Variants in OGG1 observed in about 807,000 individuals in gnomAD.
OGG1 encodes N-glycosylase/DNA lyase.
In OGG1, 35 loss-of-function variants were observed where a neutral mutation model predicts 42.3. That is an observed-to-expected ratio of 0.83 (90% CI 0.63 to 1.10). The LOEUF (loss-of-function observed/expected upper bound fraction) is 1.10. Among genes scored for constraint, OGG1 ranks in the 50% least tolerant of loss-of-function variants. The pLI, the probability that OGG1 is intolerant of heterozygous loss-of-function variation, is 0.00. For synonymous variants in OGG1, 189 were observed against 179.0 expected, an observed-to-expected ratio of 1.06 and a Z score of -0.44; for missense variants, 484 against 446.7, an observed-to-expected ratio of 1.08 and a Z score of -0.75.
chr3:9,788,583 A>G (rs1203215827), downstream of OGG1, among the ~76,000 whole-genome samples: 1 of 150,636 alleles, frequency 6.6e-6, no homozygotes, highest in East Asian at 2.0e-4. Flanking sequence ...TCTGTCACCC[A>G]GGCTGGAATA....
At chr3:9,753,656 CAA>C (rs34371840) in intron 3 of OGG1, among the ~76,000 whole-genome samples, 4 of 145,164 alleles carry the variant, frequency 2.8e-5, no homozygotes, top group African/African-American at 2.5e-5. Flanking sequence ...TCTGTCTCAA[CAA>C]AAAAAAAAAG....
At chr3:9,774,246 T>C (rs1268359879) in intron 2 of OGG1, among the ~76,000 whole-genome samples, 2 of 151,860 alleles carry the variant, frequency 1.3e-5, no homozygotes, top group Non-Finnish European at 2.9e-5. Context: ...CCATCTCTAC[T>C]AAAAATACAA....
intron 7 of OGG1, chr3:9,763,023 A>G (rs2077961368): frequency 3.1e-6 from 5 of 1,613,990 alleles, no homozygotes; most frequent in Middle Eastern, 3.3e-4. Flanking sequence ...TTTTTCCACA[A>G]TACGGTCAAA....
chr3:9,790,693 C>T (rs189763079), downstream of OGG1, among the ~76,000 whole-genome samples: 8 of 152,310 alleles, frequency 5.3e-5, no homozygotes, highest in Admixed American at 3.9e-4. Context: ...TGGCATTGGG[C>T]TGAGTTTTTG....
chr3:9,790,081 T>C, downstream of OGG1: 1 of 1,268,336 alleles, frequency 7.9e-7, no homozygotes, highest in Non-Finnish European at 1.1e-6. Flanking sequence ...TTCCCCATCC[T>C]CTTTTTACCT....
chr3:9,751,252 T>C, intron 2 of OGG1, 60 bp downstream of exon 2: 4 of 1,576,336 alleles, frequency 2.5e-6, no homozygotes, highest in East Asian at 2.3e-5. Context: ...TCTCTATGAC[T>C]CAGTTTTGCC....
intron 3 of OGG1, among the ~76,000 whole-genome samples, chr3:9,782,726 G>A (rs554296276): frequency 1.6e-4 from 24 of 151,624 alleles, no homozygotes; most frequent in Non-Finnish European, 2.9e-4. Context: ...GGGAGGCGGA[G>A]GTTGCAGTGA....
chr3:9,757,166 C>T lies in OGG1; in HGVS notation c.*16C>T. On this transcript the variant is annotated 3_prime_UTR_variant, in exon 7 of 7. Transcript: ENST00000344629. This position sits in a 1 kb window ranked among gnomAD's most constrained non-coding sequence, Gnocchi z 4.5. ...GGAAGGCTAGATGGGGCACCCTGGA[C>T]AAAGAAATTCCCCAAGCACCTTCCC... 1.2e-6 allele frequency: 2 copies of T among 1,614,022 alleles called. No individual in the cohort carries two copies. Among genetic ancestry groups the T allele is most frequent in the South Asian group, 2.2e-5 (2 of 91,078 alleles).
chr3:9,774,302 G>A (rs560687829), intron 2 of OGG1, among the ~76,000 whole-genome samples: 7 of 151,676 alleles, frequency 4.6e-5, no homozygotes, highest in Non-Finnish European at 7.4e-5. Flanking sequence ...CCAGCTACTC[G>A]GGAGGCTGAT....
At chr3:9,773,400 G>T (rs1034976285) in intron 2 of OGG1, among the ~76,000 whole-genome samples, 4 of 152,018 alleles carry the variant, frequency 2.6e-5, no homozygotes, top group African/African-American at 9.7e-5. Context: ...AATTAGCCAG[G>T]CGTGGTGGCG....
At position 9,751,799 on chromosome 3, in the gene OGG1, G is replaced by A. The variant is rs771963942; in HGVS notation, c.415G>A (p.Glu139Lys). Residue 139 changes from glutamate to lysine, a missense_variant, in exon 3 of 7, where the codon GAA becomes AAA. Physicochemically the swap from Glu to Lys is moderately conservative, Grantham distance 56 (BLOSUM62 1). Coordinates refer to ENST00000344629, the MANE Select transcript of OGG1 (RefSeq NM_002542.6). ...GVRLLRQDPIECLFSFICSSN... is the reference protein window; with the variant it reads ...GVRLLRQDPIKCLFSFICSSN... Reference sequence around the variant, plus strand: ...GCGACTGCTGCGACAAGACCCCATCGAATGCCTTTTCTCTTTTATCTGTTC... The same window carrying A: ...GCGACTGCTGCGACAAGACCCCATCAAATGCCTTTTCTCTTTTATCTGTTC... 1.9e-6 allele frequency: 3 copies of A among 1,614,120 alleles called. No individual in the cohort carries two copies. The highest frequency in any genetic ancestry group is 2.5e-6 in the Non-Finnish European group (3 of 1,180,018).
downstream of OGG1, among the ~76,000 whole-genome samples, chr3:9,767,967 C>T (rs2078201344): frequency 1.3e-5 from 2 of 152,204 alleles, no homozygotes; most frequent in African/African-American, 2.4e-5. Context: ...TAGAGAAAAA[C>T]CTTTCACAGT....
chr3:9,784,761 G>A (rs987929207), intron 3 of OGG1, among the ~76,000 whole-genome samples: 5 of 152,068 alleles, frequency 3.3e-5, no homozygotes, highest in Admixed American at 1.3e-4. Context: ...GCTACTTGGT[G>A]GCTGAGGCAG....
intron 7 of OGG1, among the ~76,000 whole-genome samples, chr3:9,764,257 C>T (rs1285622921): frequency 2.6e-5 from 4 of 152,040 alleles, no homozygotes; most frequent in Non-Finnish European, 4.4e-5. Flanking sequence ...GCCTGGCACA[C>T]GGTAAATACT....
chr3:9,757,338 C>T lies in OGG1; in HGVS notation c.*188C>T, dbSNP rs1447626548. 18 of 1,613,978 alleles carry T rather than the reference C, an allele frequency of 1.1e-5. No homozygotes were observed. Among genetic ancestry groups the T allele is most frequent in the African/African-American group, 4.0e-5 (3 of 74,900 alleles). ...GGGTGGGGGATATTGAGGGAGACAG[C>T]GCTAAGGATGGTTTTATCTTCCCTT... On this transcript the variant is annotated 3_prime_UTR_variant, in exon 7 of 7. Coordinates refer to ENST00000344629, the MANE Select transcript of OGG1 (RefSeq NM_002542.6). The surrounding 1 kb of genome is among the most constrained non-coding windows in gnomAD (Gnocchi z 4.5).
downstream of OGG1, chr3:9,790,063 C>A (rs138016548): frequency 6.8e-4 from 959 of 1,400,106 alleles, 4 homozygotes; most frequent in East Asian, 0.014. Context: ...ACAGAGGCTC[C>A]TGGGTCTTTC....
rs765014349 is a variant in OGG1, at chr3:9,766,262, C to G, written c.*431C>G. 45 of 706,002 alleles carry G rather than the reference C, an allele frequency of 6.4e-5. No homozygotes were observed. In the South Asian group the frequency reaches 6.6e-4, roughly 10 times the overall value. 43.7% of individuals were successfully genotyped at this position (706,002 alleles called of 1,614,324 possible). The stretch of plus-strand genomic sequence containing the variant: ...AAAGGAAGTCCAACCTGAGAAATGG[C>G]CAAATATATTTCCTGATAACATTAT... On this transcript the variant is annotated 3_prime_UTR_variant, in exon 8 of 8. Coordinates refer to the OGG1 transcript ENST00000302008.
chr3:9,754,706 C>G lies in OGG1; in HGVS notation c.568C>G (p.Pro190Ala), dbSNP rs1484085527. The part of the protein sequence containing the change: ...GFPSLQALAG[P>A]EVEAHLRKLG... Reference sequence around the variant, plus strand: ...GCCCTCCTCCTCACTCCCCGCAGGGCCAGAGGTGGAGGCTCATCTCAGGAA... The same window carrying G: ...GCCCTCCTCCTCACTCCCCGCAGGGGCAGAGGTGGAGGCTCATCTCAGGAA... Residue 190 changes from proline (P) to alanine (A), a missense_variant and splice_region_variant, in exon 4 of 7, where the codon CCA becomes GCA. By Grantham distance (27) the Pro-to-Ala change is conservative. Transcript: ENST00000344629. 1 of 1,614,100 alleles carries G rather than the reference C, an allele frequency of 6.2e-7. No homozygotes were observed. The highest frequency in any genetic ancestry group is 1.7e-5 in the Admixed American group (1 of 60,016).
chr3:9,789,826 G>A (rs1476386378), downstream of OGG1: 6 of 1,614,108 alleles, frequency 3.7e-6, no homozygotes, highest in Non-Finnish European at 4.2e-6. Flanking sequence ...CTGGGCCAGG[G>A]CCCGGCCCAT....
Sources: allele counts gnomAD v4.1 joint callset (sites outside exome capture counted in the v4.1 genomes callset), GRCh38; gene constraint gnomAD v4.1.1; non-coding constraint Gnocchi (gnomAD v3.1); transcripts MANE v1.5; gene names NCBI Gene and HGNC (gene_info 2026-07-23, HGNC 2026-07-21).